The following NAV2 variants were observed in gnomAD, a reference collection of about 807,000 sequenced individuals.
NAV2 encodes the protein neuron navigator 2.
NAV2 carries 54 observed loss-of-function variants against 223.2 expected under a neutral mutation model. The observed-to-expected ratio is 0.24, with a 90% CI of 0.19 to 0.30. The LOEUF (loss-of-function observed/expected upper bound fraction) is 0.30. NAV2 is among the 10% of genes least tolerant of loss of function. The probability of loss-of-function intolerance (pLI) is 1.00; values close to 1 mark genes in which losing one functional copy is unlikely to be tolerated. For synonymous variants in NAV2, 1,279 were observed against 1,239.3 expected, an observed-to-expected ratio of 1.03 and a Z score of -0.67; for missense variants, 2,806 against 3,147.5, an observed-to-expected ratio of 0.89 and a Z score of 2.60.
chr11:19,636,276 G>A (rs2047497024), intron 1 of NAV2, among the ~76,000 whole-genome samples: 1 of 152,132 alleles, frequency 6.6e-6, no homozygotes, highest in Non-Finnish European at 1.5e-5. Flanking sequence ...GAATATCAGT[G>A]GGTAGAGAGA....
chr11:19,650,411 C>T (rs541900804), intron 1 of NAV2, among the ~76,000 whole-genome samples: 2 of 152,256 alleles, frequency 1.3e-5, no homozygotes, highest in East Asian at 1.9e-4. Context: ...TCAGAGAGAG[C>T]GTGGCCCTGC....
chr11:19,999,774 G>A (rs1031093638), intron 11 of NAV2, among the ~76,000 whole-genome samples: 51 of 152,144 alleles, frequency 3.4e-4, no homozygotes, highest in African/African-American at 1.2e-3. Context: ...TGTCTTCATC[G>A]GGCTGCTGTG....
intron 1 of NAV2, among the ~76,000 whole-genome samples, chr11:19,564,390 G>A (rs1190440163): frequency 1.3e-5 from 2 of 152,206 alleles, no homozygotes; most frequent in East Asian, 1.9e-4. Flanking sequence ...GTGAGACCCT[G>A]CGCTGGCTGA....
intron 1 of NAV2, among the ~76,000 whole-genome samples, chr11:19,739,478 C>T (rs1455040390): frequency 6.6e-6 from 1 of 152,154 alleles, no homozygotes; most frequent in African/African-American, 2.4e-5. Context: ...AGAGGTCACG[C>T]TGGGGACCCT....
At chr11:19,363,120 A>G (rs1854053609) in intron 1 of NAV2, among the ~76,000 whole-genome samples, 1 of 152,052 alleles carries the variant, frequency 6.6e-6, no homozygotes, top group South Asian at 2.1e-4. Context: ...TCCTAATGTT[A>G]TCCCTCCCCT....
At chr11:19,672,865 G>A (rs553554684) in intron 1 of NAV2, among the ~76,000 whole-genome samples, 2 of 152,296 alleles carry the variant, frequency 1.3e-5, no homozygotes, top group East Asian at 1.9e-4. Context: ...GAGGATTTAG[G>A]TCTTAAGGAG....
intron 4 of NAV2, among the ~76,000 whole-genome samples, chr11:19,879,261 T>G (rs901321526): frequency 1.3e-5 from 2 of 152,202 alleles, no homozygotes; most frequent in Non-Finnish European, 2.9e-5. Context: ...TTGTTCCCAC[T>G]CTGTTCTAAT....
intron 1 of NAV2, among the ~76,000 whole-genome samples, chr11:19,462,760 C>A (rs1251532416): frequency 1.3e-5 from 2 of 152,200 alleles, no homozygotes; most frequent in Non-Finnish European, 2.9e-5. Context: ...GACTCCCAAC[C>A]TCACTCTGTC....
At chr11:19,474,065 A>G (rs1270443595) in intron 1 of NAV2, among the ~76,000 whole-genome samples, 2 of 152,206 alleles carry the variant, frequency 1.3e-5, no homozygotes, top group African/African-American at 4.8e-5. Flanking sequence ...GCACTGTCCC[A>G]TAAACTGGTC....
intron 1 of NAV2, chr11:19,778,240 G>A (rs1039258791): frequency 1.9e-5 from 8 of 418,128 alleles, no homozygotes; most frequent in African/African-American, 1.7e-4. Context: ...TTTTTTTATC[G>A]GATAGTTTCA....
At chr11:20,085,382 G>A (rs1459298928) in intron 26 of NAV2, among the ~76,000 whole-genome samples, 1 of 152,150 alleles carries the variant, frequency 6.6e-6, no homozygotes, top group Non-Finnish European at 1.5e-5. Context: ...GAGAGGAGAT[G>A]AATGTTAAAC....
In NAV2 at chr11:19,933,624, G is replaced by A. The variant is rs777680098; in HGVS notation, c.1380G>A (p.Lys460=). The part of the protein sequence containing the change: ...TTVGPASSSP[K]IALKGIAQRT... ...TGGGCCCTGCTTCCAGCAGCCCCAAGATTGCACTCAAGGGCATTGCCCAGA... is the reference window on the plus strand; with the variant it reads ...TGGGCCCTGCTTCCAGCAGCCCCAAAATTGCACTCAAGGGCATTGCCCAGA... The change falls in exon 7 of 38, where the codon AAG becomes AAA. Residue 460 remains lysine (K), a synonymous_variant. Transcript: ENST00000349880. The surrounding 1 kb of genome is among the most constrained non-coding windows in gnomAD (Gnocchi z 4.3). 2 of 1,614,186 alleles carry A rather than the reference G, an allele frequency of 1.2e-6. No individual in the cohort carries two copies. Among genetic ancestry groups the A allele is most frequent in the South Asian group, 1.1e-5 (1 of 91,084 alleles).
intron 1 of NAV2, among the ~76,000 whole-genome samples, chr11:19,469,529 G>A (rs372023566): frequency 2.6e-5 from 4 of 152,270 alleles, no homozygotes; most frequent in Non-Finnish European, 5.9e-5. Flanking sequence ...TGTGGTTAGT[G>A]GCATTGGTTT....
At chr11:19,403,230 A>AC (rs1304362263) in intron 1 of NAV2, among the ~76,000 whole-genome samples, 1 of 152,214 alleles carries the variant, frequency 6.6e-6, no homozygotes, top group East Asian at 1.9e-4. Flanking sequence ...TGAAGTATCT[A>AC]CCGTGTGCCA....
intron 1 of NAV2, among the ~76,000 whole-genome samples, chr11:19,459,707 A>T (rs1852086764): frequency 6.6e-6 from 1 of 152,222 alleles, no homozygotes; most frequent in Non-Finnish European, 1.5e-5. Flanking sequence ...GACAGAGGAT[A>T]TAGGGGGTGT....
At chr11:20,052,914 C>T (rs2058103349) in intron 17 of NAV2, among the ~76,000 whole-genome samples, 1 of 152,052 alleles carries the variant, frequency 6.6e-6, no homozygotes, top group African/African-American at 2.4e-5. Context: ...GGCCACTTGG[C>T]ACTCAGAAAT....
At chr11:19,612,039 A>G (rs949630132) in intron 1 of NAV2, among the ~76,000 whole-genome samples, 1 of 152,176 alleles carries the variant, frequency 6.6e-6, no homozygotes, top group Admixed American at 6.5e-5. Flanking sequence ...AACCTCAATT[A>G]TTGACTTCTA....
In NAV2 at chr11:19,998,110, A is replaced by C. The variant is rs545422200; in HGVS notation, c.2768+13863A>C. On this transcript the variant is annotated intron_variant, in intron 11 of 37. Transcript: ENST00000349880. This position sits in a 1 kb window ranked among gnomAD's most constrained non-coding sequence, Gnocchi z 5.0. The stretch of plus-strand genomic sequence containing the variant: ...CAGAGCTGGGCATATACAGTAGGAG[A>C]CGTTTGCTATATTTTAGGTAATTAA... Among the ~76,000 whole-genome samples, 8 of 150,722 alleles carry C rather than the reference A, an allele frequency of 5.3e-5. No homozygotes were observed. Among genetic ancestry groups the C allele is most frequent in the African/African-American group, 1.2e-4 (5 of 41,438 alleles).
chr11:20,046,311 G>C (rs970244399), intron 14 of NAV2, among the ~76,000 whole-genome samples: 1 of 151,258 alleles, frequency 6.6e-6, no homozygotes, highest in South Asian at 2.1e-4. Flanking sequence ...ACTCCAGCCT[G>C]GGCAACAGAG....
Sources: gnomAD v4.1 joint callset for allele counts (sites outside exome capture counted in the v4.1 genomes callset) on GRCh38, gnomAD v4.1.1 for gene constraint, Gnocchi (gnomAD v3.1) non-coding constraint, MANE v1.5 for transcripts, NCBI Gene and HGNC (gene_info 2026-07-23, HGNC 2026-07-21) for gene names.